Variants in VWA2 observed in about 807,000 individuals in gnomAD.
VWA2 encodes the protein von Willebrand factor A domain containing 2, also known as von Willebrand factor A domain-containing protein 2.
A neutral mutation model predicts 70.4 loss-of-function variants in VWA2; 73 were observed. The observed-to-expected ratio is 1.04, with a 90% CI of 0.86 to 1.26. The LOEUF (loss-of-function observed/expected upper bound fraction) is 1.26. Among genes scored for constraint, VWA2 ranks in the 50% most tolerant of loss-of-function variants. VWA2 has a pLI of 0.00. For synonymous variants in VWA2, 407 were observed against 423.3 expected, an observed-to-expected ratio of 0.96 and a Z score of 0.47; for missense variants, 1,011 against 998.5, an observed-to-expected ratio of 1.01 and a Z score of -0.17.
intron 1 of VWA2, among the ~76,000 whole-genome samples, chr10:114,248,162 T>G (rs1384743664): frequency 6.6e-6 from 1 of 152,014 alleles, no homozygotes; most frequent in African/African-American, 2.4e-5. Flanking sequence ...TATAAATAAT[T>G]TAGATGATTA....
intron 8 of VWA2, 121 bp downstream of exon 8, chr10:114,278,972 T>TCAC: frequency 6.8e-7 from 1 of 1,465,822 alleles, no homozygotes; most frequent in South Asian, 1.3e-5. Flanking sequence ...GAAGGAGACC[T>TCAC]GGGAGGGAGC....
chr10:114,289,856 G>A (rs1017756222), intron 12 of VWA2: 2 of 349,258 alleles, frequency 5.7e-6, no homozygotes, highest in Admixed American at 4.1e-5. Context: ...GGCCAGGCCA[G>A]CCCAAATCCA....
chr10:114,278,027 T>G lies in VWA2; in HGVS notation c.680T>G (p.Ile227Ser), dbSNP rs762922848. ...TTCAGCACCCTCAGCAGCTCGGCCA[T>G]CTGCTCCAGCGCCACGCCAGGTAAG... ...GLFSTLSSSA[I>S]CSSATPDCRV... The change falls in exon 7 of 14, where the codon ATC becomes AGC. Residue 227 changes from isoleucine (I) to serine (S), a missense_variant. Coordinates refer to ENST00000392982, the MANE Select transcript of VWA2 (RefSeq NM_001272046.2). 3 of 1,612,408 alleles carry G rather than the reference T, an allele frequency of 1.9e-6. No individual in the cohort carries two copies. Among genetic ancestry groups the G allele is most frequent in the Non-Finnish European group, 1.7e-6 (2 of 1,178,872 alleles).
In VWA2 at chr10:114,272,924, AG is replaced by A; in HGVS notation, c.558del (p.Arg186SerfsTer99). ...RGVTVFAVGVRFPRWEELHAL... is the reference protein window; with the variant it reads ...RGVTVFAVGVXFPRWEELHAL... ...TGTCACTGTGTTTGCTGTGGGGGTC[AG>A]GTTTCCCAGGTAAGAGCCTCAGTCA... On this transcript the variant is annotated frameshift_variant, in exon 6 of 14. Transcript: ENST00000392982. LOFTEE classifies it high-confidence loss of function. 2 of 1,610,394 alleles carry A rather than the reference AG, an allele frequency of 1.2e-6. No individual in the cohort carries two copies. Among genetic ancestry groups the A allele is most frequent in the South Asian group, 1.1e-5 (1 of 90,328 alleles).
At chr10:114,248,988 C>A (rs1226195243) in intron 2 of VWA2, among the ~76,000 whole-genome samples, 1 of 152,086 alleles carries the variant, frequency 6.6e-6, no homozygotes, top group African/African-American at 2.4e-5. Context: ...CCAACCCATT[C>A]TCCATGCAGT....
Position 114,272,840 on chromosome 10 carries a change from A to G in VWA2, c.472A>G (p.Thr158Ala). The G allele has an allele frequency of 1.2e-6, 2 of 1,614,038 alleles. No homozygotes were observed. The highest frequency in any genetic ancestry group is 1.7e-6 in the Non-Finnish European group (2 of 1,179,986). The stretch of plus-strand genomic sequence containing the variant: ...TGTGCCCCAGATCCTCATCATCGTC[A>G]CTGATGGGAAGTCCCAGGGGGATGT... Reference protein sequence around the residue: ...ASVPQILIIVTDGKSQGDVAL... With the variant: ...ASVPQILIIVADGKSQGDVAL... Residue 158 changes from threonine to alanine, a missense_variant, in exon 6 of 14, where the codon ACT becomes GCT. Coordinates refer to ENST00000392982, the MANE Select transcript of VWA2 (RefSeq NM_001272046.2).
intron 1 of VWA2, chr10:114,246,698 C>T: frequency 4.5e-6 from 7 of 1,557,544 alleles, no homozygotes; most frequent in Non-Finnish European, 6.2e-6. Context: ...AACAAAGAAT[C>T]AACTAGCAAA....
At chr10:114,262,561 C>T (rs972836983) in intron 5 of VWA2, among the ~76,000 whole-genome samples, 1 of 152,070 alleles carries the variant, frequency 6.6e-6, no homozygotes, top group Non-Finnish European at 1.5e-5. Context: ...ATGGCTGTCT[C>T]CTCCCATTGC....
At chr10:114,282,140 A>G (rs1266770606) in intron 8 of VWA2, among the ~76,000 whole-genome samples, 1 of 151,844 alleles carries the variant, frequency 6.6e-6, no homozygotes, top group African/African-American at 2.4e-5. Context: ...CTAAGCTGGG[A>G]TTACAGGCAC....
At position 114,281,984 on chromosome 10, in the gene VWA2, C is replaced by T. The variant is rs531843755; in HGVS notation, c.834-532C>T. On this transcript the variant is annotated intron_variant, in intron 8 of 13. Coordinates refer to ENST00000392982, the MANE Select transcript of VWA2 (RefSeq NM_001272046.2). Reference sequence around the variant, plus strand: ...TTTGGGGTTTTGCATGTGGATGTCCCTAATTTCAAATGTGATAGCCAGCTT... The same window carrying T: ...TTTGGGGTTTTGCATGTGGATGTCCTTAATTTCAAATGTGATAGCCAGCTT... 1.1e-4 allele frequency among the ~76,000 whole-genome samples: 17 copies of T among 148,950 alleles called. No individual in the cohort carries two copies. In the South Asian group the frequency reaches 3.4e-3, roughly 30 times the overall value.
intron 5 of VWA2, among the ~76,000 whole-genome samples, chr10:114,272,454 C>T (rs1186441538): frequency 2.0e-5 from 3 of 152,166 alleles, no homozygotes; most frequent in East Asian, 1.9e-4. Flanking sequence ...CAAGAGCTGT[C>T]GGCCCAGAGT....
At chr10:114,286,774 G>A (rs954258020) in intron 11 of VWA2, among the ~76,000 whole-genome samples, 9 of 152,338 alleles carry the variant, frequency 5.9e-5, no homozygotes, top group African/African-American at 1.9e-4. Context: ...TAAGCACTCA[G>A]CAAACTCTAG....
At chr10:114,251,780 A>T (rs1445035403) in intron 2 of VWA2, among the ~76,000 whole-genome samples, 2 of 148,916 alleles carry the variant, frequency 1.3e-5, no homozygotes, top group East Asian at 4.0e-4. Flanking sequence ...AGGAGTTGGC[A>T]TGGTCGTGAT....
Position 114,286,405 on chromosome 10 carries a change from G to A in VWA2, c.1464G>A (p.Glu488=), listed in dbSNP as rs2038904571. The change falls in exon 11 of 14, where the codon GAG becomes GAA. Residue 488 remains glutamate, a synonymous_variant. Coordinates refer to ENST00000392982, the MANE Select transcript of VWA2 (RefSeq NM_001272046.2). Reference sequence around the variant, plus strand: ...GTGAGGCCGTGCGGGCAGAGCTGGAGGAGATCACAGGCAGCCCAAAGCATG... The same window carrying A: ...GTGAGGCCGTGCGGGCAGAGCTGGAAGAGATCACAGGCAGCCCAAAGCATG... ...VGSEAVRAEL[E]EITGSPKHVM... The A allele has an allele frequency of 1.2e-6, 2 of 1,613,912 alleles. No homozygotes were observed. The highest frequency in any genetic ancestry group is 1.7e-6 in the Non-Finnish European group (2 of 1,180,012).
chr10:114,248,856 G>T, intron 2 of VWA2, 91 bp downstream of exon 2: 2 of 1,253,022 alleles, frequency 1.6e-6, no homozygotes, highest in African/African-American at 1.5e-5. Flanking sequence ...AATTCTAAAG[G>T]TCTCTTGAAT....
intron 4 of VWA2, among the ~76,000 whole-genome samples, chr10:114,255,458 AAG>A (rs1205238077): frequency 2.0e-4 from 31 of 152,250 alleles, no homozygotes; most frequent in Admixed American, 1.3e-3. Context: ...AGTCAGAGGG[AAG>A]AGAGTTTCTG....
chr10:114,277,823 T>C, intron 6 of VWA2, 91 bp from the exon 7 acceptor site: 2 of 1,461,532 alleles, frequency 1.4e-6, no homozygotes, highest in Non-Finnish European at 1.8e-6. Context: ...AAATCTGTGC[T>C]GCCATCCACA....
intron 4 of VWA2, among the ~76,000 whole-genome samples, chr10:114,259,217 A>G (rs1327986852): frequency 6.6e-6 from 1 of 152,138 alleles, no homozygotes; most frequent in Non-Finnish European, 1.5e-5. Context: ...TGCTAAATGG[A>G]TGGGGAAAAA....
chr10:114,289,390 C>G lies in VWA2; in HGVS notation c.2023C>G (p.Leu675Val). The G allele has an allele frequency of 6.2e-7, 1 of 1,614,212 alleles. No homozygotes were observed. Among genetic ancestry groups the G allele is most frequent in the Non-Finnish European group, 8.5e-7 (1 of 1,180,028 alleles). ...VGVGPVLSEG[L>V]RRLAGPRDSL... is the part of the protein sequence containing the mutation. ...CGTGGGGCCTGTCCTAAGTGAGGGT[C>G]TGCGGAGGCTTGCAGGTCCCCGGGA... Residue 675 changes from leucine (L) to valine (V), a missense_variant, in exon 12 of 14, where the codon CTG (leucine) becomes GTG (valine). Coordinates refer to ENST00000392982, the MANE Select transcript of VWA2 (RefSeq NM_001272046.2).
Sources: gnomAD v4.1 joint callset for allele counts (sites outside exome capture counted in the v4.1 genomes callset) on GRCh38, gnomAD v4.1.1 for gene constraint, MANE v1.5 for transcripts, NCBI Gene and HGNC (gene_info 2026-07-23, HGNC 2026-07-21) for gene names.